Variants in NYAP2 observed in about 807,000 individuals in gnomAD.
NYAP2 encodes neuronal tyrosine-phosphorylated phosphoinositide-3-kinase adaptor 2.
Under a neutral mutation model 50.4 loss-of-function variants are expected in NYAP2, and 23 were observed. The ratio of observed to expected loss-of-function variants is 0.46; its 90% CI spans 0.33 to 0.65. The LOEUF (loss-of-function observed/expected upper bound fraction) is 0.65. NYAP2 is among the 30% of genes least tolerant of loss of function. The pLI, the probability that NYAP2 is intolerant of heterozygous loss-of-function variation, is 0.02. For synonymous variants in NYAP2, 394 were observed against 365.2 expected (o/e 1.08, Z -0.90); for missense variants, 885 against 861.0 (o/e 1.03, Z -0.35).
chr2:225,476,961 C>T (rs1049856277), intron 3 of NYAP2, among the ~76,000 whole-genome samples: 6 of 151,938 alleles, frequency 3.9e-5, no homozygotes, highest in African/African-American at 7.3e-5. Context: ...GAAATTTTAA[C>T]GGTTGTTTTT....
At chr2:225,518,466 G>A (rs1223417194) in intron 4 of NYAP2, among the ~76,000 whole-genome samples, 1 of 141,772 alleles carries the variant, frequency 7.1e-6, no homozygotes, top group East Asian at 2.1e-4. Flanking sequence ...ATATTGTATT[G>A]AGCATCCTTA....
At chr2:225,443,594 C>G (rs975602053) in intron 3 of NYAP2, among the ~76,000 whole-genome samples, 4 of 151,878 alleles carry the variant, frequency 2.6e-5, no homozygotes, top group African/African-American at 9.7e-5. Flanking sequence ...CAGAGCAAGA[C>G]TCTGTCTAAA....
At chr2:225,658,169 AAC>A (rs1486362148), downstream of NYAP2, among the ~76,000 whole-genome samples, 2 of 152,202 alleles carry the variant, frequency 1.3e-5, no homozygotes, top group African/African-American at 4.8e-5. Context: ...TGAACTCATT[AAC>A]ACACAGCTTC....
intron 3 of NYAP2, among the ~76,000 whole-genome samples, chr2:225,460,084 A>C (rs1290342183): frequency 6.6e-6 from 1 of 152,046 alleles, no homozygotes; most frequent in Non-Finnish European, 1.5e-5. Context: ...TCTCTTATTC[A>C]CTCCTCTTTA....
chr2:225,550,303 C>CTT (rs3050141), intron 4 of NYAP2, among the ~76,000 whole-genome samples: 45,498 of 151,248 alleles, frequency 0.3, 8,156 homozygotes, highest in African/African-American at 0.52. Context: ...TATAACCATT[C>CTT]TTTTTTTTTC....
chr2:225,525,813 C>T (rs1691139940), intron 4 of NYAP2, among the ~76,000 whole-genome samples: 1 of 152,144 alleles, frequency 6.6e-6, no homozygotes, highest in Non-Finnish European at 1.5e-5. Context: ...CAATACTCAC[C>T]ATATGTGGTA....
chr2:225,662,470 G>T, the NYAP2 span, among the ~76,000 whole-genome samples: 6 of 152,212 alleles, frequency 3.9e-5, no homozygotes, highest in Non-Finnish European at 7.3e-5. Flanking sequence ...AGACCAAGAC[G>T]TATTCACCAA....
At chr2:225,612,855 C>CACACCCACTGTGTG (rs1277985514) in intron 5 of NYAP2, among the ~76,000 whole-genome samples, 1 of 149,956 alleles carries the variant, frequency 6.7e-6, no homozygotes, top group Non-Finnish European at 1.5e-5. Context: ...GACATCACAT[C>CACACCCACTGTGTG]TGGGTCTAGA....
chr2:225,566,973 T>C (rs1691972453), intron 4 of NYAP2, among the ~76,000 whole-genome samples: 1 of 152,050 alleles, frequency 6.6e-6, no homozygotes, highest in Non-Finnish European at 1.5e-5. Flanking sequence ...TGCTTAACAA[T>C]AAGGATGCTT....
chr2:225,403,469 A>G (rs930435974), intron 2 of NYAP2, among the ~76,000 whole-genome samples: 3 of 151,948 alleles, frequency 2.0e-5, no homozygotes, highest in African/African-American at 7.2e-5. Context: ...AAAATAAACT[A>G]TCTTATTATA....
intron 6 of NYAP2, among the ~76,000 whole-genome samples, chr2:225,645,758 A>G (rs982847190): frequency 6.6e-6 from 1 of 152,164 alleles, no homozygotes; most frequent in Admixed American, 6.5e-5. Flanking sequence ...GTGGACCCCA[A>G]AATTCTTGGC....
At chr2:225,552,944 C>G (rs1691704428) in intron 4 of NYAP2, among the ~76,000 whole-genome samples, 1 of 152,208 alleles carries the variant, frequency 6.6e-6, no homozygotes, top group South Asian at 2.1e-4. Context: ...CCTCGGCCTC[C>G]CAAAGTGCTA....
At chr2:225,593,288 T>C (rs566193039) in intron 5 of NYAP2, among the ~76,000 whole-genome samples, 2 of 152,318 alleles carry the variant, frequency 1.3e-5, no homozygotes, top group South Asian at 4.1e-4. Context: ...AGTGTCTTAG[T>C]TTTCTCACTT....
rs942491580 is a variant in NYAP2, at chr2:225,417,765, T to C, written c.221+8664T>C. 3.9e-5 allele frequency among the ~76,000 whole-genome samples: 6 copies of C among 152,290 alleles called. No individual in the cohort carries two copies. The East Asian group carries it at 1.2e-3, about 29-fold the overall frequency. On this transcript the variant is annotated intron_variant, in intron 3 of 6. Transcript: ENST00000636099. ...ACTTCTTAATTTTCTATTAGGTTGATGTTTATATGTATTGCATAGCTATTT... is the reference window on the plus strand; with the variant it reads ...ACTTCTTAATTTTCTATTAGGTTGACGTTTATATGTATTGCATAGCTATTT...
chr2:225,446,396 G>A (rs75614373), intron 3 of NYAP2, among the ~76,000 whole-genome samples: 19,575 of 151,232 alleles, frequency 0.13, 2,388 homozygotes, highest in African/African-American at 0.32. Context: ...ATACTCTCCA[G>A]GGTGAGTAAC....
At chr2:225,620,324 A>G (rs2106253062) in intron 5 of NYAP2, among the ~76,000 whole-genome samples, 1 of 152,302 alleles carries the variant, frequency 6.6e-6, no homozygotes, top group East Asian at 1.9e-4. Context: ...ATTTGTTTGA[A>G]TTAGAAAACA....
chr2:225,687,402 T>C, the NYAP2 span, among the ~76,000 whole-genome samples: 1 of 152,174 alleles, frequency 6.6e-6, no homozygotes, highest in African/African-American at 2.4e-5. Context: ...AGAAGGTGCA[T>C]ATAACTTGCC....
intron 4 of NYAP2, among the ~76,000 whole-genome samples, chr2:225,574,296 G>A (rs879682102): frequency 2.6e-5 from 4 of 152,190 alleles, no homozygotes; most frequent in Admixed American, 1.3e-4. Flanking sequence ...AAACAGTGGG[G>A]GCTAGAGGAA....
chr2:225,693,616 A>T, the NYAP2 span, among the ~76,000 whole-genome samples: 1 of 151,768 alleles, frequency 6.6e-6, no homozygotes, highest in Admixed American at 6.6e-5. Flanking sequence ...TGGTAAAGAC[A>T]CTCTTCCTGG....
Sources: allele counts gnomAD v4.1 joint callset (sites outside exome capture counted in the v4.1 genomes callset), GRCh38; gene constraint gnomAD v4.1.1; transcripts MANE v1.5; gene names NCBI Gene and HGNC (gene_info 2026-07-23, HGNC 2026-07-21).